EFHD2: variants seen among roughly 807,000 people sequenced by gnomAD.
EFHD2 encodes the protein EF-hand domain family member D2, also known as EF-hand domain-containing protein D2.
A neutral mutation model predicts 20.3 loss-of-function variants in EFHD2; 12 were observed. The ratio of observed to expected loss-of-function variants is 0.59; its 90% CI spans 0.38 to 0.96. The LOEUF (loss-of-function observed/expected upper bound fraction) is 0.96, where lower values mean the gene tolerates loss of function less well. Among genes scored for constraint, EFHD2 ranks in the 40% least tolerant of loss-of-function variants. The probability of loss-of-function intolerance (pLI) is 0.00; values close to 1 mark genes in which losing one functional copy is unlikely to be tolerated. For missense variants in EFHD2, 250 were observed against 334.3 expected, an observed-to-expected ratio of 0.75 and a Z score of 1.97; for synonymous variants, 131 against 143.9, an observed-to-expected ratio of 0.91 and a Z score of 0.64.
In EFHD2 at chr1:15,410,217, C is replaced by A. The variant is rs763982700; in HGVS notation, c.246C>A (p.Pro82=). 1 of 1,607,084 alleles carries A rather than the reference C, an allele frequency of 6.2e-7. No homozygotes were observed. Among genetic ancestry groups the A allele is most frequent in the Non-Finnish European group, 8.5e-7 (1 of 1,177,448 alleles). Reference sequence around the variant, plus strand: ...CGCCCAGCCGCCGCGTCTTCAACCCCTACACCGAGTTCAAGGAGTTCTCCA... The same window carrying A: ...CGCCCAGCCGCCGCGTCTTCAACCCATACACCGAGTTCAAGGAGTTCTCCA... ...PQSPSRRVFN[P]YTEFKEFSRK... Residue 82 remains proline, a synonymous_variant, in exon 1 of 4, where the codon CCC becomes CCA. Coordinates refer to ENST00000375980, the MANE Select transcript of EFHD2 (RefSeq NM_024329.6).
At position 15,428,666 on chromosome 1, in the gene EFHD2, C is replaced by G. The variant is rs780655187; in HGVS notation, c.665C>G (p.Ala222Gly). ...KAEQEERKKQ[A>G]EEMKQRKAAF... is the part of the protein sequence containing the mutation. ...GAGCAGGAGGAAAGGAAGAAGCAGG[C>G]GGAGGAGATGAAGCAGCGGAAAGCG... Residue 222 changes from alanine to glycine, a missense_variant, in exon 4 of 4, where the codon GCG (alanine) becomes GGG (glycine). Around this residue, in one of 3 missense-constraint regions of EFHD2, gnomAD observed 100 missense variants for 116.2 expected, o/e 0.86. Transcript: ENST00000375980. 3 of 1,608,012 alleles carry G rather than the reference C, an allele frequency of 1.9e-6. No individual in the cohort carries two copies. In the South Asian group the frequency reaches 3.3e-5, roughly 18 times the overall value.
In EFHD2 at chr1:15,425,933, T is replaced by G. The variant is rs199599184; in HGVS notation, c.371T>G (p.Leu124Arg). 8 of 1,605,076 alleles carry G rather than the reference T, an allele frequency of 5.0e-6. No individual in the cohort carries two copies. The highest frequency in any genetic ancestry group is 5.1e-6 in the Non-Finnish European group (6 of 1,176,448). Residue 124 changes from leucine to arginine, a missense_variant, in exon 2 of 4, where the codon CTT (leucine) becomes CGT (arginine). By Grantham distance (102) the Leu-to-Arg change is moderately radical (BLOSUM62 -2). Around this residue, in one of 3 missense-constraint regions of EFHD2, gnomAD observed 143 missense variants for 190.6 expected, o/e 0.75. Transcript: ENST00000375980. ...GAGCTAAAACTCATGATGGAGAAAC[T>G]TGGGGCCCCTCAGACCCACCTGGGC... ...LMELKLMMEK[L>R]GAPQTHLGLK...
At chr1:15,424,697 C>A (rs1380569561) in intron 1 of EFHD2, among the ~76,000 whole-genome samples, 1 of 152,216 alleles carries the variant, frequency 6.6e-6, no homozygotes, top group Non-Finnish European at 1.5e-5. Context: ...AGAGGCCCTG[C>A]CTTAGATACC....
At chr1:15,411,143 A>C (rs1707497115) in intron 1 of EFHD2, among the ~76,000 whole-genome samples, 1 of 100,266 alleles carries the variant, frequency 1.0e-5, no homozygotes, top group African/African-American at 3.9e-5. Context: ...AGCAGCTTGC[A>C]GTCACCGCTC....
intron 1 of EFHD2, among the ~76,000 whole-genome samples, chr1:15,421,566 T>C (rs1707792534): frequency 6.6e-6 from 1 of 152,122 alleles, no homozygotes; most frequent in Non-Finnish European, 1.5e-5. Context: ...GTTCAAATCA[T>C]GGTTTGAGCC....
Position 15,410,022 on chromosome 1 carries a change from GGGCGAGGGCGGC to G in EFHD2, c.58_69del (p.Gly20_Glu23del). 5 of 1,272,242 alleles carry G rather than the reference GGGCGAGGGCGGC, an allele frequency of 3.9e-6. No individual in the cohort carries two copies. Among genetic ancestry groups the G allele is most frequent in the Non-Finnish European group, 4.9e-6 (5 of 1,012,694 alleles). The allele number at this position is 1,272,242 out of a possible 1,614,324, so 78.8% of individuals were successfully genotyped here. Reference sequence around the variant, plus strand: ...AGCTGAGCCGGCGGCTGCAGATGGAGGGCGAGGGCGGCGGCGAGACCCCGGAGCAGCCCGGGC... The same window carrying G: ...AGCTGAGCCGGCGGCTGCAGATGGAGGGCGAGACCCCGGAGCAGCCCGGGC... On this transcript the variant is annotated inframe_deletion, in exon 1 of 4. Coordinates refer to ENST00000375980, the MANE Select transcript of EFHD2 (RefSeq NM_024329.6).
chr1:15,413,339 TA>T lies in EFHD2; in HGVS notation c.308+3061del, dbSNP rs1164723487. Among the ~76,000 whole-genome samples, 1 of 152,186 alleles carries T rather than the reference TA, an allele frequency of 6.6e-6. No homozygotes were observed. The highest frequency in any genetic ancestry group is 1.9e-4 in the East Asian group (1 of 5,190). On this transcript the variant is annotated intron_variant, in intron 1 of 3. Transcript: ENST00000375980. The surrounding 1 kb of genome is among the most constrained non-coding windows in gnomAD (Gnocchi z 4.4). ...GAGCGAGGAACCTGGGCTTCCATCC[TA>T]GTCTGCTTGTCCTCCCTGGGCCTCA...
chr1:15,418,545 T>A (rs1490412188), intron 1 of EFHD2, among the ~76,000 whole-genome samples: 1 of 151,880 alleles, frequency 6.6e-6, no homozygotes, highest in Non-Finnish European at 1.5e-5. Context: ...GACCTTGTGA[T>A]CCGCCCGCCT....
chr1:15,428,505 TAAAGAAA>T, intron 3 of EFHD2, 81 bp from the exon 4 acceptor site: 1 of 1,460,622 alleles, frequency 6.8e-7, no homozygotes, highest in Admixed American at 2.6e-5. Flanking sequence ...TCAGAAAAAT[TAAAGAAA>T]AAAGAAAAAG....
chr1:15,419,840 A>G (rs1707758112), intron 1 of EFHD2, among the ~76,000 whole-genome samples: 1 of 152,130 alleles, frequency 6.6e-6, no homozygotes, highest in Non-Finnish European at 1.5e-5. Context: ...CCACACACAC[A>G]TTGGCACCAT....
intron 1 of EFHD2, among the ~76,000 whole-genome samples, chr1:15,414,761 C>A (rs1457375727): frequency 1.3e-5 from 2 of 152,254 alleles, no homozygotes; most frequent in Non-Finnish European, 2.9e-5. Flanking sequence ...TCCTGCTGAA[C>A]AGCCACTCTG....
At chr1:15,412,716 C>T (rs925567599) in intron 1 of EFHD2, among the ~76,000 whole-genome samples, 1 of 152,180 alleles carries the variant, frequency 6.6e-6, no homozygotes, top group Non-Finnish European at 1.5e-5. Context: ...TTCAAATGAG[C>T]GGGACTTGGG....
At chr1:15,420,750 C>G (rs1010500015) in intron 1 of EFHD2, among the ~76,000 whole-genome samples, 1 of 152,092 alleles carries the variant, frequency 6.6e-6, no homozygotes, top group Non-Finnish European at 1.5e-5. Context: ...GAACTCCTGA[C>G]CTCGTGATCC....
chr1:15,415,222 G>A (rs1417849674), intron 1 of EFHD2, among the ~76,000 whole-genome samples: 1 of 152,168 alleles, frequency 6.6e-6, no homozygotes, highest in African/African-American at 2.4e-5. Context: ...GAACAAACAT[G>A]TATAGAGGTT....
chr1:15,421,021 G>A (rs1707781279), intron 1 of EFHD2, among the ~76,000 whole-genome samples: 1 of 152,202 alleles, frequency 6.6e-6, no homozygotes. Flanking sequence ...AGGCATGTAT[G>A]AAGTGCTTCC....
intron 1 of EFHD2, among the ~76,000 whole-genome samples, chr1:15,422,147 C>T (rs1474075959): frequency 7.3e-6 from 1 of 137,318 alleles, no homozygotes; most frequent in Non-Finnish European, 1.5e-5. Context: ...GGCTGGAGTG[C>T]AGTGGTGCCA....
intron 1 of EFHD2, among the ~76,000 whole-genome samples, chr1:15,417,576 T>A (rs938262064): frequency 1.9e-4 from 29 of 152,174 alleles, no homozygotes; most frequent in Non-Finnish European, 4.1e-4. Context: ...TCTCTCTCTC[T>A]CTTTCTCCCC....
At chr1:15,427,344 G>T in intron 3 of EFHD2, 60 bp downstream of exon 3, 1 of 1,556,698 alleles carries the variant, frequency 6.4e-7, no homozygotes, top group Non-Finnish European at 8.7e-7. Context: ...CTGGGTTGGT[G>T]CGAAGTTAAT....
rs370345294 is a variant in EFHD2 at position 15,426,014 on chromosome 1, G to A, written c.452G>A (p.Arg151Gln). ...DEDFDSKLSF[R>Q]EFLLIFRKAA... Reference sequence around the variant, plus strand: ...GACTTTGACAGCAAGCTGAGCTTCCGGGAGGTAAGCCCGGCCCCCAGCCCC... The same window carrying A: ...GACTTTGACAGCAAGCTGAGCTTCCAGGAGGTAAGCCCGGCCCCCAGCCCC... Residue 151 changes from arginine to glutamine, a missense_variant, in exon 2 of 4, where the codon CGG becomes CAG. Coordinates refer to ENST00000375980, the MANE Select transcript of EFHD2 (RefSeq NM_024329.6). The surrounding 1 kb of genome is among the most constrained non-coding windows in gnomAD (Gnocchi z 4.6). 8.9e-6 allele frequency: 14 copies of A among 1,581,076 alleles called. No homozygotes were observed. In the African/African-American group the frequency reaches 1.4e-4, roughly 16 times the overall value.
Sources: allele counts gnomAD v4.1 joint callset (sites outside exome capture counted in the v4.1 genomes callset), GRCh38; gene constraint gnomAD v4.1.1; regional missense constraint gnomAD v4.1.1; non-coding constraint Gnocchi (gnomAD v3.1); transcripts MANE v1.5; gene names NCBI Gene and HGNC (gene_info 2026-07-23, HGNC 2026-07-21).